The following FNIP1 variants were observed in gnomAD, a reference collection of about 807,000 sequenced individuals.
FNIP1 encodes the protein folliculin interacting protein 1.
In FNIP1, 40 loss-of-function variants were observed where a neutral mutation model predicts 124.5. The observed-to-expected ratio is 0.32, with a 90% CI of 0.25 to 0.42. FNIP1 has a LOEUF of 0.42. FNIP1 is among the 10% of genes least tolerant of loss of function. The pLI, the probability that FNIP1 is intolerant of heterozygous loss-of-function variation, is 1.00. For synonymous variants in FNIP1, 472 were observed against 470.6 expected (o/e 1.00, Z -0.04); for missense variants, 1,176 against 1,403.7 (o/e 0.84, Z 2.59).
chr5:131,791,523 G>A (rs930016050), intron 1 of FNIP1, among the ~76,000 whole-genome samples: 2 of 152,202 alleles, frequency 1.3e-5, no homozygotes, highest in Admixed American at 6.5e-5. Flanking sequence ...AAGAAACAGA[G>A]AAATAGGTTA....
chr5:131,707,584 C>T (rs1405406190), intron 8 of FNIP1, among the ~76,000 whole-genome samples: 3 of 152,120 alleles, frequency 2.0e-5, no homozygotes, highest in Admixed American at 2.0e-4. Context: ...TTCTAAATTA[C>T]TTTAGAATGC....
At chr5:131,766,564 T>C (rs996101360) in intron 1 of FNIP1, among the ~76,000 whole-genome samples, 1 of 152,114 alleles carries the variant, frequency 6.6e-6, no homozygotes, top group Non-Finnish European at 1.5e-5. Context: ...AGAATATATA[T>C]ACAGATATAT....
intron 10 of FNIP1, among the ~76,000 whole-genome samples, chr5:131,700,632 T>C (rs994983013): frequency 6.6e-6 from 1 of 152,142 alleles, no homozygotes; most frequent in Admixed American, 6.5e-5. Flanking sequence ...TGTTCTTCCT[T>C]AATCTTATCA....
chr5:131,743,030 T>G (rs1770562082), intron 2 of FNIP1, among the ~76,000 whole-genome samples: 1 of 152,082 alleles, frequency 6.6e-6, no homozygotes. Context: ...CCCAGTCTAG[T>G]AACAAATACA....
intron 11 of FNIP1, among the ~76,000 whole-genome samples, chr5:131,693,342 A>ATATATATG (rs1768571607): frequency 3.1e-5 from 4 of 130,980 alleles, no homozygotes; most frequent in Non-Finnish European, 6.5e-5. Context: ...ACATATATAT[A>ATATATATG]TATATATATA....
intron 1 of FNIP1, among the ~76,000 whole-genome samples, chr5:131,771,072 A>G (rs1172585799): frequency 6.6e-6 from 1 of 152,076 alleles, no homozygotes; most frequent in Non-Finnish European, 1.5e-5. Flanking sequence ...ATATCTCCCA[A>G]CGCTATCCCT....
chr5:131,741,195 G>C (rs1770501081), intron 2 of FNIP1, among the ~76,000 whole-genome samples: 1 of 152,000 alleles, frequency 6.6e-6, no homozygotes. Context: ...TTGGGGTCTG[G>C]ATCCAGACCC....
chr5:131,757,372 G>C (rs1771082796), intron 1 of FNIP1, among the ~76,000 whole-genome samples: 1 of 152,294 alleles, frequency 6.6e-6, no homozygotes, highest in East Asian at 1.9e-4. Flanking sequence ...TGGAAAGAAG[G>C]ACTATCAGCC....
intron 2 of FNIP1, among the ~76,000 whole-genome samples, chr5:131,735,583 T>C (rs1397361789): frequency 1.3e-5 from 2 of 148,778 alleles, no homozygotes; most frequent in Non-Finnish European, 3.0e-5. Context: ...TGTATACATA[T>C]ACACGTATTT....
intron 1 of FNIP1, among the ~76,000 whole-genome samples, chr5:131,790,478 CAAA>C (rs56699008): frequency 2.7e-4 from 19 of 70,590 alleles, no homozygotes; most frequent in African/African-American, 3.6e-4. Context: ...GAACCTGTCT[CAAA>C]AAAAAAAAAA....
intron 2 of FNIP1, among the ~76,000 whole-genome samples, chr5:131,740,819 A>G (rs1770488030): frequency 6.6e-6 from 1 of 152,082 alleles, no homozygotes; most frequent in South Asian, 2.1e-4. Flanking sequence ...AGTCATAAAA[A>G]CCTTGATGAT....
chr5:131,672,784 A>C lies in FNIP1; in HGVS notation c.1660T>G (p.Leu554Val). 4 of 1,613,700 alleles carry C rather than the reference A, an allele frequency of 2.5e-6. No individual in the cohort carries two copies. The highest frequency in any genetic ancestry group is 3.4e-6 in the Non-Finnish European group (4 of 1,179,902). Residue 554 changes from leucine (L) to valine (V), a missense_variant, in exon 14 of 18, where the codon TTA becomes GTA. Transcript: ENST00000510461. ...RCSELQETHL[L>V]ENGEDEAIVM... ...ATGGCTTCATCTTCTCCATTTTCTA[A>C]AAGATGCGTTTCTTGAAGTTCAGAG...
chr5:131,740,042 A>G (rs1349947040), intron 2 of FNIP1, among the ~76,000 whole-genome samples: 3 of 152,100 alleles, frequency 2.0e-5, no homozygotes, highest in Non-Finnish European at 4.4e-5. Flanking sequence ...TGATAGCATT[A>G]TTTTACAAAG....
chr5:131,656,345 A>C (rs1486638722), intron 15 of FNIP1, among the ~76,000 whole-genome samples: 1 of 152,232 alleles, frequency 6.6e-6, no homozygotes, highest in Non-Finnish European at 1.5e-5. Flanking sequence ...ACAGTTGTAA[A>C]ATAAGAAAAG....
intron 11 of FNIP1, among the ~76,000 whole-genome samples, chr5:131,685,796 C>T (rs1223969681): frequency 6.1e-5 from 3 of 49,082 alleles, no homozygotes; most frequent in Admixed American, 1.9e-4. Context: ...TCCTGCCTCA[C>T]TCCAGTTAAA....
chr5:131,661,564 TGA>T (rs1181424711), intron 15 of FNIP1, among the ~76,000 whole-genome samples: 1 of 152,154 alleles, frequency 6.6e-6, no homozygotes, highest in Non-Finnish European at 1.5e-5. Context: ...TTCACCAAGC[TGA>T]GATAAAGAAT....
intron 1 of FNIP1, among the ~76,000 whole-genome samples, chr5:131,791,170 C>A (rs971651634): frequency 3.9e-5 from 6 of 152,156 alleles, no homozygotes; most frequent in African/African-American, 7.2e-5. Context: ...CTTTTATGCT[C>A]CCTTTTCTGT....
intron 2 of FNIP1, among the ~76,000 whole-genome samples, chr5:131,741,968 A>G (rs1770526546): frequency 6.6e-6 from 1 of 152,234 alleles, no homozygotes; most frequent in African/African-American, 2.4e-5. Flanking sequence ...GCGTGATCCC[A>G]GGAATTCAAG....
rs113735927 is a variant in FNIP1 at position 131,654,890 on chromosome 5, G to T, written c.3109-2891C>A. ...ATACCTTGGGAAGATTTTCCATGGAGCCCCAAATTTATATTTGTTTTTTAT... is the reference window on the plus strand; with the variant it reads ...ATACCTTGGGAAGATTTTCCATGGATCCCCAAATTTATATTTGTTTTTTAT... On this transcript the variant is annotated intron_variant, in intron 15 of 17. Coordinates refer to ENST00000510461, the MANE Select transcript of FNIP1 (RefSeq NM_133372.3). Among the ~76,000 whole-genome samples the T allele has an allele frequency of 6.1e-3, 934 of 152,236 alleles. 5 individuals carry two copies. Among genetic ancestry groups the T allele is most frequent in the African/African-American group, 0.021 (886 of 41,526 alleles).
Sources: allele counts gnomAD v4.1 joint callset (sites outside exome capture counted in the v4.1 genomes callset), GRCh38; gene constraint gnomAD v4.1.1; transcripts MANE v1.5; gene names NCBI Gene and HGNC (gene_info 2026-07-23, HGNC 2026-07-21).